Variants in ZNF813 observed in about 807,000 individuals in gnomAD.
ZNF813 encodes zinc finger protein 813.
Under a neutral mutation model 7.2 loss-of-function variants are expected in ZNF813, and 3 were observed. The observed-to-expected ratio is 0.42, with a 90% CI of 0.19 to 1.08. The LOEUF (loss-of-function observed/expected upper bound fraction) is 1.08. Ranked by LOEUF, ZNF813 falls within the 50% of genes least tolerant of loss-of-function variation. The pLI is 0.30. For missense variants in ZNF813, 714 were observed against 753.3 expected (o/e 0.95, Z 0.61); for synonymous variants, 227 against 256.3 (o/e 0.89, Z 1.09).
chr19:53,488,721 T>C (rs2086445881), intron 3 of ZNF813, among the ~76,000 whole-genome samples: 1 of 151,978 alleles, frequency 6.6e-6, no homozygotes, highest in African/African-American at 2.4e-5. Context: ...GCCCAGCCGT[T>C]AGTCAATTCT....
chr19:53,492,387 A>C lies in ZNF813; in HGVS notation c.*301A>C. The C allele has an allele frequency of 2.0e-6, 1 of 509,496 alleles. No individual in the cohort carries two copies. Among genetic ancestry groups the C allele is most frequent in the Non-Finnish European group, 3.6e-6 (1 of 279,164 alleles). The allele number at this position is 509,496 out of a possible 1,614,324, so 31.6% of individuals were successfully genotyped here. On this transcript the variant is annotated 3_prime_UTR_variant, in exon 4 of 4. Transcript: ENST00000396403. Reference sequence around the variant, plus strand: ...GAGAGAAAGCTTACAAAGGTGAAGAATATCACAGAGTTTTCAGTCACAAGT... The same window carrying C: ...GAGAGAAAGCTTACAAAGGTGAAGACTATCACAGAGTTTTCAGTCACAAGT...
intron 1 of ZNF813, among the ~76,000 whole-genome samples, chr19:53,470,645 G>A (rs1324450854): frequency 7.4e-6 from 1 of 135,902 alleles, no homozygotes; most frequent in African/African-American, 2.9e-5. Flanking sequence ...GTTTTGAATC[G>A]ACTGAAGGAG....
At position 53,496,151 on chromosome 19, in the gene ZNF813, G is replaced by A. The variant is rs1353367232; in HGVS notation, c.*4065G>A. 9.3e-6 allele frequency: 2 copies of A among 215,312 alleles called. No individual in the cohort carries two copies. Among genetic ancestry groups the A allele is most frequent in the Non-Finnish European group, 2.0e-5 (2 of 102,232 alleles). The allele number at this position is 215,312 out of a possible 1,614,324, so 13.3% of individuals were successfully genotyped here. On this transcript the variant is annotated 3_prime_UTR_variant, in exon 4 of 4. Coordinates refer to ENST00000396403, the MANE Select transcript of ZNF813 (RefSeq NM_001004301.4). ...TGGAGTGTTGGAAATGTTTTATTGGGAATATGTTTTTTCTCTGAATCTGCT... is the reference window on the plus strand; with the variant it reads ...TGGAGTGTTGGAAATGTTTTATTGGAAATATGTTTTTTCTCTGAATCTGCT...
intron 1 of ZNF813, among the ~76,000 whole-genome samples, chr19:53,481,664 A>T (rs1457979259): frequency 6.6e-6 from 1 of 152,094 alleles, no homozygotes; most frequent in Non-Finnish European, 1.5e-5. Context: ...TGTATTCTTG[A>T]TTGAAAAACT....
chr19:53,484,344 AG>A (rs199524521), intron 2 of ZNF813, among the ~76,000 whole-genome samples: 2,518 of 152,290 alleles, frequency 0.017, 70 homozygotes, highest in African/African-American at 0.057. Flanking sequence ...CTTAGTAATT[AG>A]AATGGAAAGT....
At chr19:53,467,825 T>TC (rs2086334849) in intron 1 of ZNF813, 36 bp downstream of exon 1, 1 of 154,720 alleles carries the variant, frequency 6.5e-6, no homozygotes, top group Admixed American at 6.4e-5. Context: ...GGTCTGCACT[T>TC]CCCAGGTCCC....
intron 1 of ZNF813, chr19:53,479,657 A>G (rs1378262537): frequency 1.6e-6 from 2 of 1,218,076 alleles, no homozygotes; most frequent in African/African-American, 1.5e-5. Context: ...GATGAAGAAG[A>G]TGGAACTCCA....
rs1300010076 is a variant in ZNF813, at chr19:53,486,693, A to T, written c.77A>T (p.Asp26Val). ...TCTCAGGAGGAGTGGAAATGCCTGG[A>T]CCCTGCTCAGAGGACTCTATACAGG... Reference protein sequence around the residue: ...EFSQEEWKCLDPAQRTLYRDV... With the variant: ...EFSQEEWKCLVPAQRTLYRDV... Residue 26 changes from aspartate (D) to valine (V), a missense_variant, in exon 3 of 4, where the codon GAC (aspartate) becomes GTC (valine). Asp to Val is a radical substitution (Grantham distance 152, BLOSUM62 -3). Coordinates refer to ENST00000396403, the MANE Select transcript of ZNF813 (RefSeq NM_001004301.4). 1 of 1,613,954 alleles carries T rather than the reference A, an allele frequency of 6.2e-7. No homozygotes were observed. The highest frequency in any genetic ancestry group is 1.3e-5 in the African/African-American group (1 of 74,924).
chr19:53,491,451 G>A lies in ZNF813; in HGVS notation c.1219G>A (p.Gly407Arg), dbSNP rs764637390. The A allele has an allele frequency of 2.4e-5, 39 of 1,613,976 alleles. No individual in the cohort carries two copies. The highest frequency in any genetic ancestry group is 1.0e-4 in the Admixed American group (6 of 59,996). Residue 407 changes from glycine to arginine, a missense_variant, in exon 4 of 4, where the codon GGA (glycine) becomes AGA (arginine). Coordinates refer to ENST00000396403, the MANE Select transcript of ZNF813 (RefSeq NM_001004301.4). ...TLKCHRRLHT[G>R]EKPYKCNECG... ...TAAATGCCATCGTAGACTTCATACC[G>A]GAGAGAAGCCTTACAAGTGTAATGA...
Position 53,496,026 on chromosome 19 carries a change from CG to C in ZNF813, c.*3944del. ...AAGGAGACATTGGAGAAGAACGAAG[CG>C]GGGTCTATAAGGAATTGCACGTGAG... is the stretch of plus-strand genomic sequence containing the variant. On this transcript the variant is annotated 3_prime_UTR_variant, in exon 4 of 4. Transcript: ENST00000396403. 2.9e-6 allele frequency: 1 copy of C among 346,310 alleles called. No individual in the cohort carries two copies. Among genetic ancestry groups the C allele is most frequent in the Admixed American group, 3.1e-5 (1 of 32,786 alleles). The allele number at this position is 346,310 out of a possible 1,614,324, so 21.5% of individuals were successfully genotyped here. A position where few individuals can be genotyped will look rare whatever the true frequency, so the allele number is the denominator to read the frequency against.
intron 3 of ZNF813, among the ~76,000 whole-genome samples, chr19:53,487,004 T>A (rs1393806424): frequency 2.2e-5 from 3 of 138,026 alleles, no homozygotes; most frequent in South Asian, 2.3e-4. Context: ...TTTTTTTTTT[T>A]AGAGAATGTT....
rs761587142 is a variant in ZNF813, at chr19:53,491,130, A to G, written c.898A>G (p.Lys300Glu). The G allele has an allele frequency of 6.2e-7, 1 of 1,614,146 alleles. No individual in the cohort carries two copies. Among genetic ancestry groups the G allele is most frequent in the Non-Finnish European group, 8.5e-7 (1 of 1,180,004 alleles). ...ACTTCATACTGGAGAGAAACCTTAC[A>G]AATGTGAAGAATGTGACAAAGCTTT... ...RRLHTGEKPY[K>E]CEECDKAFSF... is the part of the protein sequence containing the mutation. Residue 300 changes from lysine to glutamate, a missense_variant, in exon 4 of 4, where the codon AAA becomes GAA. This residue lies in a region of ZNF813 where 563 missense variants were observed against 554.2 expected (regional missense o/e 1.02). Transcript: ENST00000396403.
At chr19:53,485,649 A>G (rs1222335254) in intron 2 of ZNF813, among the ~76,000 whole-genome samples, 1 of 149,766 alleles carries the variant, frequency 6.7e-6, no homozygotes, top group Admixed American at 6.7e-5. Flanking sequence ...CATGTATGTC[A>G]TGACATATAT....
intron 1 of ZNF813, among the ~76,000 whole-genome samples, chr19:53,468,228 C>CT (rs988728609): frequency 7.8e-6 from 1 of 128,034 alleles, no homozygotes; most frequent in South Asian, 2.8e-4. Flanking sequence ...CGCCCCCCCC[C>CT]CCCCACCTCC....
In ZNF813 at chr19:53,492,472, T is replaced by C; in HGVS notation, c.*386T>C. ...AGAGAAACCATAAAATTGTAAGAGTTCGTGACAAGGCTTTCGGGCATGACT... is the reference window on the plus strand; with the variant it reads ...AGAGAAACCATAAAATTGTAAGAGTCCGTGACAAGGCTTTCGGGCATGACT... On this transcript the variant is annotated 3_prime_UTR_variant, in exon 4 of 4. Transcript: ENST00000396403. The C allele has an allele frequency of 2.3e-6, 1 of 425,912 alleles. No individual in the cohort carries two copies. The highest frequency in any genetic ancestry group is 4.6e-6 in the Non-Finnish European group (1 of 217,460). The allele number at this position is 425,912 out of a possible 1,614,324, so 26.4% of individuals were successfully genotyped here. A position where few individuals can be genotyped will look rare whatever the true frequency, so the allele number is the denominator to read the frequency against.
chr19:53,480,449 A>G (rs1330430191), intron 1 of ZNF813, among the ~76,000 whole-genome samples: 1 of 149,864 alleles, frequency 6.7e-6, no homozygotes, highest in African/African-American at 2.4e-5. Flanking sequence ...TTTTCTGTAC[A>G]TTTCCCAGTT....
intron 1 of ZNF813, chr19:53,480,112 C>G: frequency 1.3e-6 from 1 of 761,758 alleles, no homozygotes; most frequent in East Asian, 2.4e-5. Flanking sequence ...TCCCACCCTG[C>G]TGCTGCTCCT....
At chr19:53,469,057 T>C (rs2617712) in intron 1 of ZNF813, among the ~76,000 whole-genome samples, 65,559 of 150,542 alleles carry the variant, frequency 0.44, 13,931 homozygotes, top group Non-Finnish European at 0.44. Flanking sequence ...CCTGGTTAAC[T>C]GAGAATGGAG....
intron 1 of ZNF813, among the ~76,000 whole-genome samples, chr19:53,477,639 G>C (rs1323631651): frequency 7.4e-6 from 1 of 135,840 alleles, no homozygotes; most frequent in African/African-American, 2.9e-5. Flanking sequence ...AACATAGTAA[G>C]ACCCCCATCT....
Sources: allele counts gnomAD v4.1 joint callset (sites outside exome capture counted in the v4.1 genomes callset), GRCh38; gene constraint gnomAD v4.1.1; regional missense constraint gnomAD v4.1.1; transcripts MANE v1.5; gene names NCBI Gene and HGNC (gene_info 2026-07-23, HGNC 2026-07-21).